MYH2: variants seen among roughly 807,000 people sequenced by gnomAD.
MYH2 encodes myosin-2.
A neutral mutation model predicts 228.1 loss-of-function variants in MYH2; 139 were observed. The ratio of observed to expected loss-of-function variants is 0.61; its 90% CI spans 0.53 to 0.70. The LOEUF is 0.70. MYH2 is among the 30% of genes least tolerant of loss of function. MYH2 has a pLI of 0.00. For synonymous variants in MYH2, 796 were observed against 871.1 expected, an observed-to-expected ratio of 0.91 and a Z score of 1.52; for missense variants, 1,809 against 2,357.5, an observed-to-expected ratio of 0.77 and a Z score of 4.82.
chr17:10,527,087 T>A, intron 28 of MYH2, 31 bp from the exon 29 acceptor site: 1 of 1,593,832 alleles, frequency 6.3e-7, no homozygotes, highest in Non-Finnish European at 8.6e-7. Flanking sequence ...CACCATTTTT[T>A]AGGTGAAAAA....
rs552408756 is a variant in MYH2, at chr17:10,542,744, A to T, written c.904+131T>A. ...ATGAGCACATATAAATTTTTACCAAACTCACAAAGCTATTTATAAAATAAA... is the reference window on the plus strand; with the variant it reads ...ATGAGCACATATAAATTTTTACCAATCTCACAAAGCTATTTATAAAATAAA... On this transcript the variant is annotated intron_variant, in intron 10 of 39. Transcript: ENST00000245503. 6.8e-5 allele frequency: 40 copies of T among 589,676 alleles called. No individual in the cohort carries two copies. In the African/African-American group the frequency reaches 7.1e-4, roughly 11 times the overall value. The allele number at this position is 589,676 out of a possible 1,614,324, so 36.5% of individuals were successfully genotyped here. A position where few individuals can be genotyped will look rare whatever the true frequency, so the allele number is the denominator to read the frequency against.
intron 13 of MYH2, 41 bp from the exon 14 acceptor site, chr17:10,539,395 C>G (rs1466441667): frequency 6.2e-7 from 1 of 1,614,176 alleles, no homozygotes; most frequent in Non-Finnish European, 8.5e-7. Flanking sequence ...TATTAAAGGC[C>G]TATGAAAATG....
At chr17:10,535,463 G>T in intron 17 of MYH2, 98 bp from the exon 18 acceptor site, 1 of 965,958 alleles carries the variant, frequency 1.0e-6, no homozygotes, top group South Asian at 1.4e-5. Context: ...TGAGTTGAAT[G>T]ACCAGTATGG....
chr17:10,526,161 A>G lies in MYH2; in HGVS notation c.4188-285T>C, dbSNP rs77361283. 5.2e-3 allele frequency among the ~76,000 whole-genome samples: 799 copies of G among 152,330 alleles called. 8 individuals are homozygous for G. Among genetic ancestry groups the G allele is most frequent in the African/African-American group, 0.018 (765 of 41,570 alleles). ...ATAATACCTTACAGATACAAGTGCA[A>G]TGAAGCAAAATAAAATAAATGGTGG... On this transcript the variant is annotated intron_variant, in intron 30 of 39. Transcript: ENST00000245503.
intron 19 of MYH2, 149 bp from the exon 20 acceptor site, chr17:10,533,781 C>G (rs998390240): frequency 1.8e-6 from 2 of 1,100,126 alleles, no homozygotes; most frequent in Non-Finnish European, 1.3e-6. Flanking sequence ...AATGGTCAAC[C>G]CTTTGGCAAC....
rs966274439 is a variant in MYH2, at chr17:10,545,200, C to G, written c.505+146G>C. The G allele has an allele frequency of 1.3e-4, 197 of 1,503,918 alleles. No homozygotes were observed. The East Asian group carries it at 4.4e-3, about 33-fold the overall frequency. The allele number at this position is 1,503,918 out of a possible 1,614,324, so 93.2% of individuals were successfully genotyped here. A position where few individuals can be genotyped will look rare whatever the true frequency, so the allele number is the denominator to read the frequency against. On this transcript the variant is annotated intron_variant, in intron 5 of 39. Transcript: ENST00000245503. ...ACGCATTACAAATCAGCCTTTCTCC[C>G]CTTCCTGGACCTTCTCCTTCATAAA...
intron 16 of MYH2, 91 bp from the exon 17 acceptor site, chr17:10,536,697 CT>C: frequency 4.2e-6 from 5 of 1,193,812 alleles, no homozygotes; most frequent in South Asian, 1.3e-5. Flanking sequence ...CGAGTGGAGC[CT>C]TTTTTCTACC....
Position 10,530,061 on chromosome 17 carries a change from A to G in MYH2, c.2711T>C (p.Leu904Ser). 6.2e-7 allele frequency: 1 copy of G among 1,614,252 alleles called. No homozygotes were observed. Among genetic ancestry groups the G allele is most frequent in the Non-Finnish European group, 8.5e-7 (1 of 1,180,040 alleles). ...QLQVQAEAEG[L>S]ADAEERCDQL... ...GTCACACCTTTCCTCTGCATCAGCC[A>G]AGCCTTCGGCTTCCTTAAGTTGGAA... The change falls in exon 23 of 40, where the codon TTG (leucine) becomes TCG (serine). Residue 904 changes from leucine to serine, a missense_variant. By Grantham distance (145) the Leu-to-Ser change is moderately radical (BLOSUM62 -2). This residue lies in a region of MYH2 where 276 missense variants were observed against 344.2 expected (regional missense o/e 0.80). Transcript: ENST00000245503.
Position 10,539,258 on chromosome 17 carries a change from G to A in MYH2, c.1363C>T (p.Pro455Ser). The A allele has an allele frequency of 1.2e-6, 2 of 1,614,194 alleles. No individual in the cohort carries two copies. Among genetic ancestry groups the A allele is most frequent in the South Asian group, 1.1e-5 (1 of 91,080 alleles). Residue 455 changes from proline (P) to serine (S), a missense_variant, in exon 14 of 40, where the codon CCC becomes TCC. This residue lies in a region of MYH2 where 373 missense variants were observed against 620.4 expected (regional missense o/e 0.60). Coordinates refer to ENST00000245503, the MANE Select transcript of MYH2 (RefSeq NM_017534.6). ...AAGACCCCGATGAAGTACTGCCTGG[G>A]CTGCTTGGTGTCCAGCTGCTGGTTG... ...RINQQLDTKQ[P>S]RQYFIGVLDI...
chr17:10,545,193 T>C (rs987579043), intron 5 of MYH2, among the ~76,000 whole-genome samples, 153 bp downstream of exon 5: 8 of 152,202 alleles, frequency 5.3e-5, no homozygotes, highest in African/African-American at 1.7e-4. Context: ...CAAATCAGCC[T>C]TTCTCCCCTT....
chr17:10,535,934 C>T (rs535054219), intron 17 of MYH2, among the ~76,000 whole-genome samples: 28 of 152,308 alleles, frequency 1.8e-4, no homozygotes, highest in Non-Finnish European at 3.1e-4. Flanking sequence ...GTTCATTAGC[C>T]ATACTGATGT....
chr17:10,543,746 C>T lies in MYH2; in HGVS notation c.706G>A (p.Ala236Thr), dbSNP rs147708782. Residue 236 changes from alanine (A) to threonine (T), a missense_variant, in exon 8 of 40, where the codon GCC becomes ACC. Ala to Thr is a moderately conservative substitution (Grantham distance 58). This residue lies in a region of MYH2 where 373 missense variants were observed against 620.4 expected (regional missense o/e 0.60). Coordinates refer to ENST00000245503, the MANE Select transcript of MYH2 (RefSeq NM_017534.6). ...GAGTTGTCATTCCTCACGGTCTTGG[C>T]GTTGCCAAAGGCCTCCAGTAGGGGG... ...ANPLLEAFGN[A>T]KTVRNDNSSR... 7 of 1,614,040 alleles carry T rather than the reference C, an allele frequency of 4.3e-6. No homozygotes were observed. Among genetic ancestry groups the T allele is most frequent in the Middle Eastern group, 1.6e-4 (1 of 6,080 alleles).
intron 19 of MYH2, among the ~76,000 whole-genome samples, chr17:10,533,948 GC>G: frequency 6.6e-6 from 1 of 152,282 alleles, no homozygotes; most frequent in African/African-American, 2.4e-5. Flanking sequence ...AGATGCATTT[GC>G]TTTTTAAGGC....
chr17:10,522,166 G>C (rs2073292534), intron 39 of MYH2, among the ~76,000 whole-genome samples: 1 of 152,158 alleles, frequency 6.6e-6, no homozygotes, highest in Non-Finnish European at 1.5e-5. Flanking sequence ...CTCTTGAACA[G>C]CTACATAGCT....
At chr17:10,527,456 T>A (rs1472717758) in intron 28 of MYH2, among the ~76,000 whole-genome samples, 1 of 152,192 alleles carries the variant, frequency 6.6e-6, no homozygotes, top group Non-Finnish European at 1.5e-5. Context: ...AAGAGAAACT[T>A]GGCCTGAAAG....
Position 10,527,514 on chromosome 17 carries a change from G to A in MYH2, c.3871+234C>T, listed in dbSNP as rs150089680. 1.1e-4 allele frequency among the ~76,000 whole-genome samples: 17 copies of A among 152,272 alleles called. No individual in the cohort carries two copies. In the South Asian group the frequency reaches 2.9e-3, roughly 26 times the overall value. On this transcript the variant is annotated intron_variant, in intron 28 of 39. Coordinates refer to ENST00000245503, the MANE Select transcript of MYH2 (RefSeq NM_017534.6). ...AGTAACCGCTAATCCCAGCATCCTC[G>A]CAATGAGCAAATACTCAAGGCCATT...
At chr17:10,538,654 A>T (rs371797990) in intron 14 of MYH2, among the ~76,000 whole-genome samples, 5 of 152,026 alleles carry the variant, frequency 3.3e-5, no homozygotes, top group South Asian at 2.1e-4. Flanking sequence ...CAAAAAAAAA[A>T]AAAAAATCAC....
chr17:10,542,485 T>C (rs760204363), intron 10 of MYH2, among the ~76,000 whole-genome samples: 56 of 152,156 alleles, frequency 3.7e-4, no homozygotes, highest in African/African-American at 1.3e-3. Context: ...CTATATTTAG[T>C]GACATGGAAA....
At chr17:10,536,206 G>C (rs995476934) in intron 17 of MYH2, among the ~76,000 whole-genome samples, 1 of 151,958 alleles carries the variant, frequency 6.6e-6, no homozygotes, top group Admixed American at 6.6e-5. Context: ...TTTATGCATT[G>C]GGTACAGTGT....
Sources: allele counts gnomAD v4.1 joint callset (sites outside exome capture counted in the v4.1 genomes callset), GRCh38; gene constraint gnomAD v4.1.1; regional missense constraint gnomAD v4.1.1; transcripts MANE v1.5; gene names NCBI Gene and HGNC (gene_info 2026-07-23, HGNC 2026-07-21).